The following SPOCK3 variants were observed in gnomAD, a reference collection of about 807,000 sequenced individuals.
SPOCK3 encodes the protein testican-3.
A neutral mutation model predicts 56.6 loss-of-function variants in SPOCK3; 30 were observed. The observed-to-expected ratio is 0.53, with a 90% CI of 0.40 to 0.72. The LOEUF is 0.72. SPOCK3 is among the 30% of genes least tolerant of loss of function. The pLI is 0.00. For synonymous variants in SPOCK3, 196 were observed against 183.3 expected, an observed-to-expected ratio of 1.07 and a Z score of -0.56; for missense variants, 527 against 530.0, an observed-to-expected ratio of 0.99 and a Z score of 0.06.
intron 4 of SPOCK3, among the ~76,000 whole-genome samples, chr4:166,965,609 C>T (rs1744646983): frequency 6.7e-6 from 1 of 149,156 alleles, no homozygotes; most frequent in African/African-American, 2.5e-5. Flanking sequence ...ATTCACTGGA[C>T]TTCTCAGATC....
intron 6 of SPOCK3, among the ~76,000 whole-genome samples, chr4:166,886,394 A>C (rs1017625913): frequency 6.6e-5 from 10 of 152,134 alleles, no homozygotes; most frequent in African/African-American, 2.4e-4. Context: ...CTGTATAGCT[A>C]AGTTACTAAC....
chr4:167,051,766 G>A (rs556198487), intron 3 of SPOCK3, among the ~76,000 whole-genome samples: 10 of 152,318 alleles, frequency 6.6e-5, no homozygotes, highest in African/African-American at 2.4e-4. Flanking sequence ...ATGCCACTGA[G>A]GTGGCGCCTG....
At chr4:166,970,707 A>G (rs1579846806) in intron 4 of SPOCK3, among the ~76,000 whole-genome samples, 1 of 150,522 alleles carries the variant, frequency 6.6e-6, no homozygotes. Context: ...CCTGGGCGAC[A>G]GAGCAAGACA....
chr4:166,987,426 A>G (rs1747289392), intron 4 of SPOCK3, among the ~76,000 whole-genome samples: 1 of 152,108 alleles, frequency 6.6e-6, no homozygotes, highest in African/African-American at 2.4e-5. Context: ...ATTGATCACT[A>G]TCTTAAATTA....
At chr4:166,835,631 G>A (rs1366039501) in intron 6 of SPOCK3, among the ~76,000 whole-genome samples, 2 of 152,140 alleles carry the variant, frequency 1.3e-5, no homozygotes, top group East Asian at 3.9e-4. Flanking sequence ...ACGTTTGTGG[G>A]TTCTAAACGT....
At chr4:166,926,913 G>C (rs1035312454) in intron 4 of SPOCK3, among the ~76,000 whole-genome samples, 2 of 152,030 alleles carry the variant, frequency 1.3e-5, no homozygotes, top group Non-Finnish European at 2.9e-5. Flanking sequence ...ATTTCCGTAA[G>C]GTGTGAAAGA....
chr4:167,220,549 T>C (rs996050596), intron 2 of SPOCK3, among the ~76,000 whole-genome samples: 1 of 151,806 alleles, frequency 6.6e-6, no homozygotes, highest in African/African-American at 2.4e-5. Flanking sequence ...AGCTAATTTT[T>C]TTTTTTTTTT....
intron 2 of SPOCK3, among the ~76,000 whole-genome samples, chr4:167,069,107 T>G (rs984809860): frequency 1.3e-5 from 2 of 151,916 alleles, no homozygotes; most frequent in Non-Finnish European, 2.9e-5. Flanking sequence ...TCACTGCATA[T>G]TCATCCTGCT....
At chr4:167,233,543 C>T (rs1737401722) in intron 2 of SPOCK3, among the ~76,000 whole-genome samples, 1 of 152,174 alleles carries the variant, frequency 6.6e-6, no homozygotes, top group Non-Finnish European at 1.5e-5. Flanking sequence ...ATAAATCTTA[C>T]ATCTTCCTAC....
rs1179043070 is a variant in SPOCK3 at position 166,735,097 on chromosome 4, A to G, written c.1133-7T>C. 3 of 1,578,790 alleles carry G rather than the reference A, an allele frequency of 1.9e-6. No homozygotes were observed. The highest frequency in any genetic ancestry group is 2.6e-6 in the Non-Finnish European group (3 of 1,159,736). ...GAGATCTCAAAATCTATAGCTTAAAACAAGTGAAAGTAAACATAACCTTTA... is the reference window on the plus strand; with the variant it reads ...GAGATCTCAAAATCTATAGCTTAAAGCAAGTGAAAGTAAACATAACCTTTA... On this transcript the variant is annotated splice_polypyrimidine_tract_variant and splice_region_variant and intron_variant, in intron 10 of 10. Transcript: ENST00000357545.
chr4:166,838,032 C>T (rs1746815274), intron 6 of SPOCK3, among the ~76,000 whole-genome samples: 1 of 152,060 alleles, frequency 6.6e-6, no homozygotes, highest in African/African-American at 2.4e-5. Context: ...ATGTTATGTC[C>T]ATTGCCAAAC....
intron 4 of SPOCK3, among the ~76,000 whole-genome samples, chr4:166,979,099 A>C (rs1392972285): frequency 6.6e-6 from 1 of 152,196 alleles, no homozygotes; most frequent in Non-Finnish European, 1.5e-5. Flanking sequence ...TTTAGAAAAT[A>C]TAAGTTTCCT....
At chr4:167,176,675 G>A (rs987914146) in intron 2 of SPOCK3, among the ~76,000 whole-genome samples, 22 of 151,960 alleles carry the variant, frequency 1.4e-4, no homozygotes, top group African/African-American at 3.6e-4. Context: ...TACTAAACAC[G>A]GAGCAGCAGC....
chr4:167,061,766 A>G (rs1755630741), intron 3 of SPOCK3, among the ~76,000 whole-genome samples: 1 of 151,996 alleles, frequency 6.6e-6, no homozygotes, highest in South Asian at 2.1e-4. Flanking sequence ...GTAAAGAAGA[A>G]ATTTTTTTTC....
intron 3 of SPOCK3, among the ~76,000 whole-genome samples, chr4:167,054,504 T>A (rs770935482): frequency 1.3e-5 from 2 of 152,202 alleles, no homozygotes; most frequent in Non-Finnish European, 2.9e-5. Context: ...TTCAGGTAAT[T>A]TCTGTCATGT....
chr4:167,098,131 C>G (rs572595805), intron 2 of SPOCK3, among the ~76,000 whole-genome samples: 52 of 152,052 alleles, frequency 3.4e-4, no homozygotes, highest in Non-Finnish European at 5.2e-4. Flanking sequence ...TGACGCAACT[C>G]TTATAAGGTC....
intron 2 of SPOCK3, among the ~76,000 whole-genome samples, chr4:167,176,541 A>AT (rs934492109): frequency 8.6e-5 from 13 of 151,966 alleles, no homozygotes; most frequent in East Asian, 5.8e-4. Context: ...ATTAAATGCC[A>AT]TTTTTTTTGT....
At chr4:166,875,269 CAA>C (rs1732956910) in intron 6 of SPOCK3, among the ~76,000 whole-genome samples, 2 of 151,868 alleles carry the variant, frequency 1.3e-5, no homozygotes, top group African/African-American at 4.8e-5. Flanking sequence ...TCAAAAATCC[CAA>C]GTTAGTTTAT....
chr4:167,025,220 GC>G lies in SPOCK3; in HGVS notation c.236-24758del, dbSNP rs111568118. Among the ~76,000 whole-genome samples the G allele has an allele frequency of 6.8e-3, 923 of 135,628 alleles. 13 individuals are homozygous for G. The highest frequency in any genetic ancestry group is 0.026 in the African/African-American group (889 of 34,334). 89.0% of individuals were successfully genotyped at this position (135,628 alleles called of 152,430 possible). A position where few individuals can be genotyped will look rare whatever the true frequency, so the allele number is the denominator to read the frequency against. ...GTGGACAATTCTTTGGCCACTGAAT[GC>G]TTTTTTTTTTTTCCTTAGAAAAAAC... is the stretch of plus-strand genomic sequence containing the variant. On this transcript the variant is annotated intron_variant, in intron 3 of 10. Coordinates refer to ENST00000357545, the MANE Select transcript of SPOCK3 (RefSeq NM_001040159.2).
Sources: gnomAD v4.1 joint callset for allele counts (sites outside exome capture counted in the v4.1 genomes callset) on GRCh38, gnomAD v4.1.1 for gene constraint, MANE v1.5 for transcripts, NCBI Gene and HGNC (gene_info 2026-07-23, HGNC 2026-07-21) for gene names.